Variants in PDGFD observed in about 807,000 individuals in gnomAD.
PDGFD encodes platelet derived growth factor D, also known as platelet-derived growth factor D.
Under a neutral mutation model 44.7 loss-of-function variants are expected in PDGFD, and 30 were observed. The observed-to-expected ratio is 0.67, with a 90% CI of 0.50 to 0.91. The LOEUF (loss-of-function observed/expected upper bound fraction) is 0.91, where lower values mean the gene tolerates loss of function less well. Ranked by LOEUF, PDGFD falls within the 40% of genes least tolerant of loss-of-function variation. The pLI, the probability that PDGFD is intolerant of heterozygous loss-of-function variation, is 0.00. For synonymous variants in PDGFD, 173 were observed against 168.4 expected, an observed-to-expected ratio of 1.03 and a Z score of -0.21; for missense variants, 445 against 457.8, an observed-to-expected ratio of 0.97 and a Z score of 0.25.
chr11:104,026,965 G>A (rs538145574), intron 1 of PDGFD, among the ~76,000 whole-genome samples: 4 of 152,276 alleles, frequency 2.6e-5, no homozygotes, highest in African/African-American at 9.6e-5. Flanking sequence ...GACTTAATAT[G>A]CTACACTTTT....
intron 1 of PDGFD, among the ~76,000 whole-genome samples, chr11:104,108,964 C>T (rs1413121879): frequency 6.6e-6 from 1 of 150,886 alleles, no homozygotes; most frequent in Non-Finnish European, 1.5e-5. Context: ...AAAAAGCAAA[C>T]ACCGCATGTT....
chr11:104,142,510 C>T (rs1413605296), intron 1 of PDGFD, among the ~76,000 whole-genome samples: 1 of 151,918 alleles, frequency 6.6e-6, no homozygotes, highest in African/African-American at 2.4e-5. Flanking sequence ...AAAATTTCCA[C>T]CTTATCTACC....
At chr11:104,020,255 C>T (rs1859929359) in intron 1 of PDGFD, among the ~76,000 whole-genome samples, 1 of 151,728 alleles carries the variant, frequency 6.6e-6, no homozygotes, top group Non-Finnish European at 1.5e-5. Context: ...AATGTTAGGC[C>T]CTGCAGCTAT....
rs184427345 is a variant in PDGFD at position 104,007,522 on chromosome 11, A to G, written c.125-7267T>C. On this transcript the variant is annotated intron_variant, in intron 1 of 6. Transcript: ENST00000393158. The stretch of plus-strand genomic sequence containing the variant: ...TAAAAATTAAAATATTTGATCAAAC[A>G]GTGATATAGTTGCAGGCTGTGCCAT... Among the ~76,000 whole-genome samples, 343 of 152,330 alleles carry G rather than the reference A, an allele frequency of 2.3e-3. 2 individuals are homozygous for G. Among genetic ancestry groups the G allele is most frequent in the Middle Eastern group, 3.4e-3 (1 of 294 alleles).
intron 1 of PDGFD, among the ~76,000 whole-genome samples, chr11:104,045,923 A>G (rs1315930693): frequency 4.1e-5 from 6 of 146,794 alleles, no homozygotes; most frequent in African/African-American, 1.2e-4. Flanking sequence ...GAGGGGAAGA[A>G]ACATGGAGGG....
intron 1 of PDGFD, among the ~76,000 whole-genome samples, chr11:104,050,026 G>A (rs1591139165): frequency 6.6e-6 from 1 of 152,098 alleles, no homozygotes; most frequent in Non-Finnish European, 1.5e-5. Flanking sequence ...TACTATGAAG[G>A]TAGTTCGGTA....
chr11:103,948,148 T>C (rs545704364), intron 3 of PDGFD, among the ~76,000 whole-genome samples: 57 of 152,316 alleles, frequency 3.7e-4, no homozygotes, highest in African/African-American at 1.3e-3. Flanking sequence ...TAATAATAAT[T>C]ATCATTATTG....
At chr11:104,120,713 G>A (rs1233606745) in intron 1 of PDGFD, among the ~76,000 whole-genome samples, 1 of 151,706 alleles carries the variant, frequency 6.6e-6, no homozygotes, top group Non-Finnish European at 1.5e-5. Flanking sequence ...CCTGCAGGGG[G>A]CCCTCCATTC....
At chr11:104,102,141 A>G (rs983346632) in intron 1 of PDGFD, among the ~76,000 whole-genome samples, 26 of 152,334 alleles carry the variant, frequency 1.7e-4, no homozygotes, top group African/African-American at 6.3e-4. Context: ...AGAACAGGCA[A>G]CCTACAGAAT....
At chr11:104,090,592 G>A (rs1449819088) in intron 1 of PDGFD, among the ~76,000 whole-genome samples, 1 of 149,222 alleles carries the variant, frequency 6.7e-6, no homozygotes, top group Non-Finnish European at 1.5e-5. Context: ...TCACACCACT[G>A]CATTCCAGCC....
intron 1 of PDGFD, among the ~76,000 whole-genome samples, chr11:104,075,867 T>C (rs1341701003): frequency 2.0e-5 from 3 of 152,290 alleles, no homozygotes; most frequent in South Asian, 2.1e-4. Flanking sequence ...ACCGGAATTA[T>C]TGCAAAGGCC....
At chr11:104,152,083 G>T (rs1314981957) in intron 1 of PDGFD, among the ~76,000 whole-genome samples, 1 of 152,132 alleles carries the variant, frequency 6.6e-6, no homozygotes, top group Non-Finnish European at 1.5e-5. Flanking sequence ...CTGCTCCATG[G>T]TGCCTCATCC....
At chr11:103,979,028 T>G (rs1859224580) in intron 3 of PDGFD, among the ~76,000 whole-genome samples, 1 of 152,056 alleles carries the variant, frequency 6.6e-6, no homozygotes, top group South Asian at 2.1e-4. Context: ...GCTTTGCAGA[T>G]GCTTTCCCCA....
At chr11:104,051,472 T>C (rs1860535663) in intron 1 of PDGFD, among the ~76,000 whole-genome samples, 1 of 152,096 alleles carries the variant, frequency 6.6e-6, no homozygotes, top group South Asian at 2.1e-4. Context: ...TATTCCAGAA[T>C]GATTCCACTA....
intron 1 of PDGFD, among the ~76,000 whole-genome samples, chr11:104,022,667 A>G (rs1253332332): frequency 6.6e-6 from 1 of 152,016 alleles, no homozygotes; most frequent in Non-Finnish European, 1.5e-5. Context: ...TAGTATATAT[A>G]TTTGAACCTT....
chr11:104,090,593 C>T (rs1359186738), intron 1 of PDGFD, among the ~76,000 whole-genome samples: 1 of 148,214 alleles, frequency 6.7e-6, no homozygotes, highest in Non-Finnish European at 1.5e-5. Flanking sequence ...CACACCACTG[C>T]ATTCCAGCCT....
At chr11:104,017,095 C>T (rs1859869008) in intron 1 of PDGFD, among the ~76,000 whole-genome samples, 1 of 152,138 alleles carries the variant, frequency 6.6e-6, no homozygotes, top group Non-Finnish European at 1.5e-5. Flanking sequence ...ATAAAACAGG[C>T]TCCAGAGAGA....
At position 103,987,456 on chromosome 11, in the gene PDGFD, C is replaced by A. The variant is rs76443374; in HGVS notation, c.510+8609G>T. On this transcript the variant is annotated intron_variant, in intron 3 of 6. Transcript: ENST00000393158. ...GACCATTTGTAACCAGACTTGTGAT[C>A]TTCCATGCAGTAGGAAGACTGTGTA... 4.7e-3 allele frequency among the ~76,000 whole-genome samples: 708 copies of A among 152,242 alleles called. 48 individuals carry two copies. The East Asian group carries it at 0.11, about 24-fold the overall frequency.
chr11:103,909,538 G>T lies in PDGFD; in HGVS notation c.*156C>A. On this transcript the variant is annotated 3_prime_UTR_variant, in exon 7 of 7. Transcript: ENST00000393158. ...ATGATATACCTTTCTACTTGCCATGGCATTAACAAAGCAAGGCTGAGACTC... is the reference window on the plus strand; with the variant it reads ...ATGATATACCTTTCTACTTGCCATGTCATTAACAAAGCAAGGCTGAGACTC... 1 of 839,632 alleles carries T rather than the reference G, an allele frequency of 1.2e-6. No individual in the cohort carries two copies. Among genetic ancestry groups the T allele is most frequent in the Non-Finnish European group, 1.9e-6 (1 of 525,874 alleles). The allele number at this position is 839,632 out of a possible 1,614,324, so 52.0% of individuals were successfully genotyped here.
Sources: allele counts gnomAD v4.1 joint callset (sites outside exome capture counted in the v4.1 genomes callset), GRCh38; gene constraint gnomAD v4.1.1; transcripts MANE v1.5; gene names NCBI Gene and HGNC (gene_info 2026-07-23, HGNC 2026-07-21).